The following FLI1 variants were observed in gnomAD, a reference collection of about 807,000 sequenced individuals.
FLI1 encodes the protein Fli-1 proto-oncogene, ETS transcription factor, also known as Friend leukemia integration 1 transcription factor.
In FLI1, 13 loss-of-function variants were observed where a neutral mutation model predicts 53.1. The ratio of observed to expected loss-of-function variants is 0.24; its 90% CI spans 0.16 to 0.39. The LOEUF (loss-of-function observed/expected upper bound fraction) is 0.39, where lower values mean the gene tolerates loss of function less well. Ranked by LOEUF, FLI1 falls within the 10% of genes least tolerant of loss-of-function variation. The pLI is 1.00. For missense variants in FLI1, 424 were observed against 600.5 expected, an observed-to-expected ratio of 0.71 and a Z score of 3.07; for synonymous variants, 244 against 236.7, an observed-to-expected ratio of 1.03 and a Z score of -0.28.
chr11:128,693,209 C>T (rs1262451798), upstream of FLI1: 1 of 152,260 alleles, frequency 6.6e-6, no homozygotes, highest in African/African-American at 2.4e-5. Context: ...GGATCTCCGC[C>T]CTCTGCGGGC....
intron 5 of FLI1, among the ~76,000 whole-genome samples, chr11:128,790,165 CTATTT>C (rs1942227529): frequency 6.6e-6 from 1 of 151,654 alleles, no homozygotes. Context: ...CTTGCTCTCT[CTATTT>C]TATTTTTTAA....
intron 1 of FLI1, among the ~76,000 whole-genome samples, chr11:128,738,081 C>T (rs1939981289): frequency 6.6e-6 from 1 of 152,150 alleles, no homozygotes; most frequent in African/African-American, 2.4e-5. Context: ...GTCATTATTA[C>T]AGTATAATTT....
At chr11:128,795,173 G>T (rs930938345) in intron 5 of FLI1, among the ~76,000 whole-genome samples, 18 of 152,166 alleles carry the variant, frequency 1.2e-4, no homozygotes, top group Non-Finnish European at 2.4e-4. Flanking sequence ...AAAATTAAGT[G>T]GGACAATTAC....
At chr11:128,804,338 A>G (rs1338876901) in intron 5 of FLI1, 1 of 152,184 alleles carries the variant, frequency 6.6e-6, no homozygotes, top group Admixed American at 6.5e-5. Flanking sequence ...TTGTTCATGG[A>G]ATAACTTTGA....
intron 4 of FLI1, among the ~76,000 whole-genome samples, chr11:128,778,558 G>A (rs184529936): frequency 3.3e-5 from 5 of 152,188 alleles, no homozygotes; most frequent in Admixed American, 6.5e-5. Flanking sequence ...ATATGACTTC[G>A]CTGAGTGTTG....
At chr11:128,741,189 T>A (rs944295374) in intron 1 of FLI1, among the ~76,000 whole-genome samples, 1 of 151,678 alleles carries the variant, frequency 6.6e-6, no homozygotes, top group African/African-American at 2.4e-5. Context: ...AGGTCAGGAG[T>A]TGGAGACCAG....
chr11:128,774,938 G>A (rs758361291), intron 4 of FLI1, among the ~76,000 whole-genome samples: 3 of 152,206 alleles, frequency 2.0e-5, no homozygotes, highest in Non-Finnish European at 4.4e-5. Context: ...GGTTGAAGTG[G>A]AGGTGCAGAG....
chr11:128,775,657 T>C (rs1941707308), intron 4 of FLI1, among the ~76,000 whole-genome samples: 1 of 152,218 alleles, frequency 6.6e-6, no homozygotes, highest in African/African-American at 2.4e-5. Context: ...AACACTTTAT[T>C]GTTTTTCCAG....
intron 5 of FLI1, among the ~76,000 whole-genome samples, chr11:128,784,857 C>CTG (rs34412702): frequency 0.081 from 12,147 of 150,752 alleles, 1,243 homozygotes; most frequent in African/African-American, 0.24. Context: ...AGCACCAGAG[C>CTG]TGTGTGTGTG....
intron 1 of FLI1, among the ~76,000 whole-genome samples, chr11:128,753,798 C>G (rs576752866): frequency 6.6e-6 from 1 of 152,308 alleles, no homozygotes; most frequent in African/African-American, 2.4e-5. Flanking sequence ...TCTTGTTTGC[C>G]TCCTCCGTCC....
At chr11:128,779,254 CG>C (rs1358251205) in intron 4 of FLI1, among the ~76,000 whole-genome samples, 1 of 152,176 alleles carries the variant, frequency 6.6e-6, no homozygotes, top group Non-Finnish European at 1.5e-5. Flanking sequence ...GTTTGCTCCT[CG>C]GAGACCATCA....
intron 1 of FLI1, among the ~76,000 whole-genome samples, chr11:128,688,305 C>T (rs1029558222): frequency 3.9e-5 from 6 of 152,182 alleles, no homozygotes; most frequent in African/African-American, 1.4e-4. Flanking sequence ...AGCTGTGGGC[C>T]GCCAGAGAAG....
chr11:128,700,881 A>G lies in FLI1; in HGVS notation c.18+6605A>G, dbSNP rs11221440. On this transcript the variant is annotated intron_variant, in intron 1 of 8. Transcript: ENST00000527786. ...AAGTGAATACCTGCCTCAAAATAAT[A>G]ATAACTTGGGTCTTGTAACATGTAT... Among the ~76,000 whole-genome samples, 1,076 of 152,314 alleles carry G rather than the reference A, an allele frequency of 7.1e-3. 11 individuals carry two copies. The highest frequency in any genetic ancestry group is 0.021 in the African/African-American group (854 of 41,566).
intron 5 of FLI1, among the ~76,000 whole-genome samples, chr11:128,786,055 T>C (rs1942068472): frequency 6.6e-6 from 1 of 152,318 alleles, no homozygotes; most frequent in Admixed American, 6.5e-5. Flanking sequence ...AAAATACTGA[T>C]GCCCAAGTGC....
At chr11:128,715,812 C>T (rs1565463046) in intron 1 of FLI1, among the ~76,000 whole-genome samples, 1 of 152,156 alleles carries the variant, frequency 6.6e-6, no homozygotes, top group Non-Finnish European at 1.5e-5. Flanking sequence ...CATGCTGGGG[C>T]CTCTCCTGGT....
chr11:128,732,050 G>C (rs1939724375), intron 1 of FLI1, among the ~76,000 whole-genome samples: 1 of 151,856 alleles, frequency 6.6e-6, no homozygotes, highest in African/African-American at 2.4e-5. Flanking sequence ...TGCTTAACTA[G>C]ACATGTCATG....
chr11:128,758,104 TG>T lies in FLI1; in HGVS notation c.19-9del. On this transcript the variant is annotated splice_polypyrimidine_tract_variant and intron_variant, in intron 1 of 8. Transcript: ENST00000527786. ...GACACTGGGCTTTCTGTCTCTTCTC[TG>T]GCCCTGCAGGAGGCTCTGTCGGTGG... The T allele has an allele frequency of 6.2e-7, 1 of 1,606,916 alleles. No homozygotes were observed. Among genetic ancestry groups the T allele is most frequent in the Non-Finnish European group, 8.5e-7 (1 of 1,176,714 alleles).
chr11:128,780,378 G>C (rs1274199029), intron 4 of FLI1, among the ~76,000 whole-genome samples: 2 of 152,160 alleles, frequency 1.3e-5, no homozygotes, highest in African/African-American at 4.8e-5. Flanking sequence ...GGGAGGCCGA[G>C]GCAGGCAGAT....
At chr11:128,707,226 A>C (rs367688916) in intron 1 of FLI1, among the ~76,000 whole-genome samples, 5 of 152,336 alleles carry the variant, frequency 3.3e-5, no homozygotes, top group African/African-American at 9.6e-5. Context: ...GGAATCCTGA[A>C]GAAAAGATTC....
Sources: gnomAD v4.1 joint callset for allele counts (sites outside exome capture counted in the v4.1 genomes callset) on GRCh38, gnomAD v4.1.1 for gene constraint, MANE v1.5 for transcripts, NCBI Gene and HGNC (gene_info 2026-07-23, HGNC 2026-07-21) for gene names.